The following NCOA6 variants were observed in gnomAD, a reference collection of about 807,000 sequenced individuals.
NCOA6 encodes nuclear receptor coactivator 6.
A neutral mutation model predicts 171.4 loss-of-function variants in NCOA6; 49 were observed. The ratio of observed to expected loss-of-function variants is 0.29; its 90% CI spans 0.23 to 0.36. The LOEUF (loss-of-function observed/expected upper bound fraction) is 0.36. Among genes scored for constraint, NCOA6 ranks in the 10% least tolerant of loss-of-function variants. The pLI is 1.00. For missense variants in NCOA6, 2,248 were observed against 2,554.5 expected (o/e 0.88, Z 2.59); for synonymous variants, 910 against 927.5 (o/e 0.98, Z 0.34).
rs367992263 is a variant in NCOA6, at chr20:34,757,694, G to C, written c.1054C>G (p.Pro352Ala). 2.2e-5 allele frequency: 36 copies of C among 1,614,032 alleles called. No individual in the cohort carries two copies. Among genetic ancestry groups the C allele is most frequent in the African/African-American group, 2.0e-4 (15 of 74,912 alleles). ...QGWKKAPLPG[P>A]MQQQLQARPS... ...CTTGCCTGGAGTTGCTGTTGCATTG[G>C]GCCGGGCAAGGGAGCCTTCTTCCAC... Residue 352 changes from proline to alanine, a missense_variant, in exon 7 of 15, where the codon CCA becomes GCA. Coordinates refer to ENST00000359003, the MANE Select transcript of NCOA6 (RefSeq NM_014071.5).
chr20:34,745,946 G>GAA (rs2076288517), intron 10 of NCOA6, among the ~76,000 whole-genome samples: 1 of 152,020 alleles, frequency 6.6e-6, no homozygotes, highest in Non-Finnish European at 1.5e-5. Flanking sequence ...ACAACAAAGG[G>GAA]GGCTTCCAAT....
At chr20:34,823,620 G>C (rs1395640709) in intron 1 of NCOA6, among the ~76,000 whole-genome samples, 2 of 151,978 alleles carry the variant, frequency 1.3e-5, no homozygotes, top group Non-Finnish European at 2.9e-5. Context: ...GAGACTCTGG[G>C]TGTCTACAAT....
At chr20:34,793,454 G>A (rs181501353) in intron 1 of NCOA6, among the ~76,000 whole-genome samples, 2 of 151,896 alleles carry the variant, frequency 1.3e-5, no homozygotes, top group Admixed American at 1.3e-4. Flanking sequence ...AATATTTACT[G>A]TAGATATAAA....
At position 34,743,243 on chromosome 20, in the gene NCOA6, G is replaced by A. The variant is rs780676014; in HGVS notation, c.3013C>T (p.Pro1005Ser). Residue 1005 changes from proline to serine, a missense_variant, in exon 11 of 15, where the codon CCA (proline) becomes TCA (serine). Pro to Ser is a moderately conservative substitution (Grantham distance 74, BLOSUM62 -1). Coordinates refer to ENST00000359003, the MANE Select transcript of NCOA6 (RefSeq NM_014071.5). ...TGCTGCTGAGGCAGTTGTGGCTGTGGCTGCTGCTGTGGTGGCTGTGGTGGG... is the reference window on the plus strand; with the variant it reads ...TGCTGCTGAGGCAGTTGTGGCTGTGACTGCTGCTGTGGTGGCTGTGGTGGG... Reference protein sequence around the residue: ...APPPQPPQQQPQPQLPQQQQP... With the variant: ...APPPQPPQQQSQPQLPQQQQP... 12 of 1,613,914 alleles carry A rather than the reference G, an allele frequency of 7.4e-6. No homozygotes were observed. The highest frequency in any genetic ancestry group is 1.0e-5 in the Non-Finnish European group (12 of 1,179,986).
intron 1 of NCOA6, among the ~76,000 whole-genome samples, chr20:34,811,201 G>GTATA (rs10700283): frequency 0.045 from 2,402 of 53,736 alleles, 158 homozygotes; most frequent in East Asian, 0.069. Context: ...ACAACAACGT[G>GTATA]TATATATATA....
intron 7 of NCOA6, among the ~76,000 whole-genome samples, chr20:34,755,844 T>A (rs1381134185): frequency 6.6e-6 from 1 of 152,110 alleles, no homozygotes; most frequent in Non-Finnish European, 1.5e-5. Flanking sequence ...CAAGCAATCC[T>A]CCCTGCCTCA....
rs183995141 is a variant in NCOA6 at position 34,799,708 on chromosome 20, C to A, written c.-163-7145G>T. ...AGAGTGGTATGACATATTCCAAGTG[C>A]GAAAGGAAAAAAAATTTACCCTAGA... On this transcript the variant is annotated intron_variant, in intron 1 of 14. Transcript: ENST00000359003. 4.6e-5 allele frequency among the ~76,000 whole-genome samples: 7 copies of A among 151,756 alleles called. No individual in the cohort carries two copies. The South Asian group carries it at 1.5e-3, about 32-fold the overall frequency.
intron 1 of NCOA6, among the ~76,000 whole-genome samples, chr20:34,812,117 G>C (rs2078684860): frequency 6.6e-6 from 1 of 152,050 alleles, no homozygotes; most frequent in Non-Finnish European, 1.5e-5. Context: ...GCTGGGCGTG[G>C]TGGCATGTGC....
chr20:34,779,570 C>A (rs2077455123), intron 3 of NCOA6, among the ~76,000 whole-genome samples: 1 of 152,120 alleles, frequency 6.6e-6, no homozygotes, highest in Non-Finnish European at 1.5e-5. Flanking sequence ...AAACAATTTT[C>A]TCTTTTGTTA....
At chr20:34,775,724 T>C (rs1942408966) in intron 4 of NCOA6, among the ~76,000 whole-genome samples, 1 of 147,130 alleles carries the variant, frequency 6.8e-6, no homozygotes, top group African/African-American at 2.5e-5. Context: ...TGAATGCTGC[T>C]ACAAAAGGAA....
Position 34,750,175 on chromosome 20 carries a change from G to A in NCOA6, c.2020C>T (p.Pro674Ser), listed in dbSNP as rs766732585. 37 of 1,612,396 alleles carry A rather than the reference G, an allele frequency of 2.3e-5. No homozygotes were observed. Among genetic ancestry groups the A allele is most frequent in the Middle Eastern group, 1.6e-4 (1 of 6,074 alleles). ...NPPSQNLGPSPQRMTPPKQML... is the reference protein window; with the variant it reads ...NPPSQNLGPSSQRMTPPKQML... ...TGCTTGGGTGGGGTCATCCTTTGGGGCGAGGGCCCAAGATTTTGGCTCGGG... is the reference window on the plus strand; with the variant it reads ...TGCTTGGGTGGGGTCATCCTTTGGGACGAGGGCCCAAGATTTTGGCTCGGG... The change falls in exon 9 of 15, where the codon CCC (proline) becomes TCC (serine). Residue 674 changes from proline to serine, a missense_variant. Physicochemically the swap from Pro to Ser is moderately conservative, Grantham distance 74. This residue lies in a region of NCOA6 where 987 missense variants were observed against 1,104.7 expected (regional missense o/e 0.89). Transcript: ENST00000359003.
At chr20:34,792,384 A>G (rs1213772631) in intron 2 of NCOA6, 66 bp downstream of exon 2, 6 of 157,802 alleles carry the variant, frequency 3.8e-5, no homozygotes, top group African/African-American at 1.1e-4. Context: ...ACAGTATCAG[A>G]AAAAAAAAAA....
chr20:34,740,641 G>A lies in NCOA6; in HGVS notation c.5615C>T (p.Thr1872Ile). ...CGTTGGGGTTTTACTGTCCAGCTCTGTGGATAACTGCTCTGTTCCCATGAG... is the reference window on the plus strand; with the variant it reads ...CGTTGGGGTTTTACTGTCCAGCTCTATGGATAACTGCTCTGTTCCCATGAG... ...PGLMGTEQLS[T>I]ELDSKTPTPP... is the part of the protein sequence containing the mutation. Residue 1872 changes from threonine (T) to isoleucine (I), a missense_variant, in exon 11 of 15, where the codon ACA becomes ATA. Physicochemically the swap from Thr to Ile is moderately conservative, Grantham distance 89. Transcript: ENST00000359003. The A allele has an allele frequency of 1.9e-6, 3 of 1,614,214 alleles. No homozygotes were observed. The highest frequency in any genetic ancestry group is 1.1e-5 in the South Asian group (1 of 91,082).
chr20:34,821,887 T>G (rs1024664716), intron 1 of NCOA6, among the ~76,000 whole-genome samples: 5 of 152,164 alleles, frequency 3.3e-5, no homozygotes, highest in African/African-American at 1.2e-4. Flanking sequence ...ACGCCCAGAC[T>G]TCCTTTCACT....
chr20:34,723,754 GTTC>G (rs1349550449), intron 14 of NCOA6, among the ~76,000 whole-genome samples: 1 of 152,188 alleles, frequency 6.6e-6, no homozygotes, highest in Non-Finnish European at 1.5e-5. Context: ...TTGGCTGGTA[GTTC>G]TCTACAGAGC....
intron 1 of NCOA6, among the ~76,000 whole-genome samples, chr20:34,810,826 G>A (rs559894063): frequency 6.6e-6 from 1 of 152,264 alleles, no homozygotes; most frequent in East Asian, 1.9e-4. Flanking sequence ...TTACAGGTGT[G>A]AGCCACCGTG....
Position 34,754,785 on chromosome 20 carries a change from C to T in NCOA6, c.1612G>A (p.Ala538Thr). The T allele has an allele frequency of 4.3e-6, 7 of 1,614,218 alleles. No individual in the cohort carries two copies. Among genetic ancestry groups the T allele is most frequent in the Non-Finnish European group, 5.9e-6 (7 of 1,180,036 alleles). The change falls in exon 8 of 15, where the codon GCA becomes ACA. Residue 538 changes from alanine (A) to threonine (T), a missense_variant. By Grantham distance (58) the Ala-to-Thr change is moderately conservative. Transcript: ENST00000359003. ...FMQGQVPSTT[A>T]TTPGNSGAPQ... Reference sequence around the variant, plus strand: ...GCTCCTGAATTCCCAGGGGTGGTTGCTGTGGTCGAAGGCACCTGACCTTGC... The same window carrying T: ...GCTCCTGAATTCCCAGGGGTGGTTGTTGTGGTCGAAGGCACCTGACCTTGC...
In NCOA6 at chr20:34,825,638, G is replaced by C. The variant is rs1031851364; in HGVS notation, c.-330C>G. On this transcript the variant is annotated 5_prime_UTR_variant, in exon 1 of 15. Transcript: ENST00000359003. Reference sequence around the variant, plus strand: ...GACCCGGCAGGGCCTCACGGAGCCGGCGGGGAGGGGGATGGGCCGGACCGG... The same window carrying C: ...GACCCGGCAGGGCCTCACGGAGCCGCCGGGGAGGGGGATGGGCCGGACCGG... 2.6e-5 allele frequency: 4 copies of C among 151,452 alleles called. No individual in the cohort carries two copies. Among genetic ancestry groups the C allele is most frequent in the African/African-American group, 7.3e-5 (3 of 41,304 alleles). 9.4% of individuals were successfully genotyped at this position (151,452 alleles called of 1,614,324 possible). A position where few individuals can be genotyped will look rare whatever the true frequency, so the allele number is the denominator to read the frequency against.
chr20:34,798,408 G>C (rs1203552576), intron 1 of NCOA6, among the ~76,000 whole-genome samples: 1 of 152,252 alleles, frequency 6.6e-6, no homozygotes, highest in African/African-American at 2.4e-5. Context: ...CTGAAGGGAA[G>C]GACACAGCAT....
Sources: gnomAD v4.1 joint callset for allele counts (sites outside exome capture counted in the v4.1 genomes callset) on GRCh38, gnomAD v4.1.1 for gene constraint, gnomAD v4.1.1 regional missense constraint, MANE v1.5 for transcripts, NCBI Gene and HGNC (gene_info 2026-07-23, HGNC 2026-07-21) for gene names.